Variants in MYOM1 observed in about 807,000 individuals in gnomAD.
MYOM1 encodes the protein myomesin 1.
In MYOM1, 164 loss-of-function variants were observed where a neutral mutation model predicts 205.3. The ratio of observed to expected loss-of-function variants is 0.80; its 90% CI spans 0.70 to 0.91. The LOEUF (loss-of-function observed/expected upper bound fraction) is 0.91. MYOM1 is among the 40% of genes least tolerant of loss of function. The probability of loss-of-function intolerance (pLI) is 0.00; values close to 1 mark genes in which losing one functional copy is unlikely to be tolerated. For missense variants in MYOM1, 2,011 were observed against 2,127.3 expected, an observed-to-expected ratio of 0.95 and a Z score of 1.08; for synonymous variants, 772 against 789.4, an observed-to-expected ratio of 0.98 and a Z score of 0.37.
intron 5 of MYOM1, among the ~76,000 whole-genome samples, chr18:3,187,108 T>C (rs2080828574): frequency 6.6e-6 from 1 of 152,206 alleles, no homozygotes; most frequent in Admixed American, 6.5e-5. Context: ...CACAAAATCC[T>C]GCCATGTTGT....
intron 31 of MYOM1, among the ~76,000 whole-genome samples, chr18:3,084,650 C>T (rs1161329097): frequency 3.3e-5 from 5 of 152,158 alleles, no homozygotes; most frequent in Non-Finnish European, 5.9e-5. Context: ...TGCTTTCTTG[C>T]TGTGCTAAAA....
At chr18:3,234,574 T>C in the MYOM1 span, among the ~76,000 whole-genome samples, 1,208 of 148,988 alleles carry the variant, frequency 8.1e-3, 13 homozygotes, top group South Asian at 0.04. Context: ...CCAGAGTCGT[T>C]TGGGGAGAGT....
At chr18:3,153,058 C>A (rs181817891) in intron 11 of MYOM1, among the ~76,000 whole-genome samples, 89 of 151,446 alleles carry the variant, frequency 5.9e-4, no homozygotes, top group East Asian at 3.9e-3. Flanking sequence ...AGGGCCAGGA[C>A]AATTCTTCAA....
In MYOM1 at chr18:3,187,655, C is replaced by A; in HGVS notation, c.772-18G>T. ...TCTTCTAACTGAAAAAACAAATATGCAAACAAACATATTACCAAAATACCA... is the reference window on the plus strand; with the variant it reads ...TCTTCTAACTGAAAAAACAAATATGAAAACAAACATATTACCAAAATACCA... On this transcript the variant is annotated intron_variant, in intron 4 of 37. Coordinates refer to ENST00000356443, the MANE Select transcript of MYOM1 (RefSeq NM_003803.4). The A allele has an allele frequency of 6.4e-7, 1 of 1,566,458 alleles. No homozygotes were observed. Among genetic ancestry groups the A allele is most frequent in the Non-Finnish European group, 8.7e-7 (1 of 1,146,482 alleles).
intron 2 of MYOM1, among the ~76,000 whole-genome samples, chr18:3,199,796 T>C (rs201791604): frequency 6.6e-6 from 1 of 151,658 alleles, no homozygotes; most frequent in Non-Finnish European, 1.5e-5. Flanking sequence ...GCTGAGATCG[T>C]GCCACTGCAC....
intron 2 of MYOM1, among the ~76,000 whole-genome samples, chr18:3,194,799 G>A (rs2080970840): frequency 7.8e-6 from 1 of 127,548 alleles, no homozygotes; most frequent in African/African-American, 2.9e-5. Context: ...CCATGAACTT[G>A]GGGCTAAAAG....
intron 2 of MYOM1, among the ~76,000 whole-genome samples, chr18:3,195,732 T>C (rs2080984358): frequency 6.6e-6 from 1 of 152,248 alleles, no homozygotes; most frequent in African/African-American, 2.4e-5. Context: ...TTTCATTGCA[T>C]TGCTCCTTTT....
chr18:3,169,129 A>G (rs2080516924), intron 8 of MYOM1, 148 bp from the exon 9 acceptor site: 8 of 694,272 alleles, frequency 1.2e-5, no homozygotes, highest in Non-Finnish European at 1.9e-5. Context: ...GAAACCGTAC[A>G]TAAGAAGTAT....
chr18:3,136,893 C>T (rs1567927313), intron 14 of MYOM1, among the ~76,000 whole-genome samples: 1 of 152,100 alleles, frequency 6.6e-6, no homozygotes, highest in Non-Finnish European at 1.5e-5. Flanking sequence ...TATGACAGAG[C>T]ATAGAATTCC....
At chr18:3,085,939 C>A in intron 30 of MYOM1, 99 bp downstream of exon 30, 1 of 695,232 alleles carries the variant, frequency 1.4e-6, no homozygotes, top group South Asian at 2.0e-5. Flanking sequence ...TAATATAAAT[C>A]CCCTGGTCAT....
intron 14 of MYOM1, among the ~76,000 whole-genome samples, chr18:3,139,064 G>C (rs568948415): frequency 6.6e-6 from 1 of 152,162 alleles, no homozygotes; most frequent in South Asian, 2.1e-4. Flanking sequence ...AGGATAGCTT[G>C]AGCCCAGGAG....
chr18:3,104,745 CTTTTTTT>C (rs745369627), intron 22 of MYOM1, among the ~76,000 whole-genome samples: 4 of 80,586 alleles, frequency 5.0e-5, no homozygotes, highest in African/African-American at 2.1e-4. Context: ...GAATTGGAAT[CTTTTTTT>C]TTTTTTTTTT....
intron 17 of MYOM1, among the ~76,000 whole-genome samples, chr18:3,130,709 C>G (rs879560599): frequency 2.0e-5 from 3 of 151,766 alleles, no homozygotes; most frequent in Non-Finnish European, 4.4e-5. Context: ...GCCTGCCTCT[C>G]CCTCCCAAAG....
intron 19 of MYOM1, among the ~76,000 whole-genome samples, chr18:3,123,831 A>T (rs7505771): frequency 0.58 from 82,702 of 141,854 alleles, 23,363 homozygotes; most frequent in East Asian, 0.68. Flanking sequence ...TTATTTATTT[A>T]TTTTTTTTGA....
chr18:3,218,939 G>A (rs962068650), intron 1 of MYOM1, among the ~76,000 whole-genome samples: 2 of 151,984 alleles, frequency 1.3e-5, no homozygotes, highest in Non-Finnish European at 2.9e-5. Flanking sequence ...AGTAAACAGG[G>A]TTTGACTTGA....
intron 25 of MYOM1, among the ~76,000 whole-genome samples, chr18:3,094,704 C>T (rs2079276968): frequency 1.3e-5 from 2 of 151,762 alleles, no homozygotes; most frequent in African/African-American, 4.8e-5. Context: ...CTCTGTTGCC[C>T]AGGCTGGAGT....
chr18:3,193,359 T>TACGCACAC (rs536189289), intron 3 of MYOM1, among the ~76,000 whole-genome samples: 1 of 119,292 alleles, frequency 8.4e-6, no homozygotes, highest in Admixed American at 8.3e-5. Context: ...TATATATATA[T>TACGCACAC]ATACACACAC....
At chr18:3,142,697 A>T (rs936767270) in intron 13 of MYOM1, among the ~76,000 whole-genome samples, 11 of 152,212 alleles carry the variant, frequency 7.2e-5, no homozygotes, top group African/African-American at 2.7e-4. Context: ...CCCAGATCCC[A>T]GAAGTCCCAG....
the MYOM1 span, among the ~76,000 whole-genome samples, chr18:3,235,696 T>C: frequency 1.6e-4 from 24 of 152,260 alleles, no homozygotes; most frequent in Non-Finnish European, 1.3e-4. Context: ...TGGAACTTAG[T>C]AGGGGAGACA....
Sources: allele counts gnomAD v4.1 joint callset (sites outside exome capture counted in the v4.1 genomes callset), GRCh38; gene constraint gnomAD v4.1.1; transcripts MANE v1.5; gene names NCBI Gene and HGNC (gene_info 2026-07-23, HGNC 2026-07-21).